Variants in CES5A observed in about 807,000 individuals in gnomAD.
CES5A encodes the protein carboxylesterase 5.
In CES5A, 67 loss-of-function variants were observed where a neutral mutation model predicts 62.9. The ratio of observed to expected loss-of-function variants is 1.07; its 90% CI spans 0.88 to 1.31. CES5A has a LOEUF of 1.31. CES5A is among the 50% of genes most tolerant of loss of function. CES5A has a pLI of 0.00. For synonymous variants in CES5A, 296 were observed against 280.8 expected (o/e 1.05, Z -0.54); for missense variants, 748 against 708.5 (o/e 1.06, Z -0.63).
At position 55,846,598 on chromosome 16, in the gene CES5A, G is replaced by A. The variant is rs16955807; in HGVS notation, c.1581C>T (p.Leu527=). 6.7e-3 allele frequency: 10,874 copies of A among 1,614,106 alleles called. 199 individuals are homozygous for A. The highest frequency in any genetic ancestry group is 0.05 in the East Asian group (2,243 of 44,864). Residue 527 remains leucine (L), a synonymous_variant, in exon 13 of 13, where the codon CTC becomes CTT. Transcript: ENST00000290567. ...QYLQLDLNMS[L]GQRLKEPRVD... ...CCCGCGGTTCTTTGAGTCTCTGTCC[G>A]AGGCTCATGTTCAAGTCCAGCTGGA...
upstream of CES5A, among the ~76,000 whole-genome samples, chr16:55,876,098 G>A (rs893088295): frequency 2.0e-5 from 3 of 152,244 alleles, no homozygotes; most frequent in Middle Eastern, 3.4e-3. Flanking sequence ...TTGTAGCCAT[G>A]ACTGTCTTCC....
At chr16:55,919,262 T>C (rs1368504068) in intron 1 of CES5A, among the ~76,000 whole-genome samples, 1 of 152,250 alleles carries the variant, frequency 6.6e-6, no homozygotes, top group African/African-American at 2.4e-5. Flanking sequence ...GAAACTCTTC[T>C]GAGCTTTGTG....
intron 1 of CES5A, among the ~76,000 whole-genome samples, chr16:55,909,570 G>GCACATACACACA (rs2034071658): frequency 1.3e-5 from 2 of 150,046 alleles, no homozygotes; most frequent in South Asian, 4.3e-4. Context: ...GTGCGCACGT[G>GCACATACACACA]CACACACACA....
chr16:55,899,312 T>C (rs1247382044), intron 1 of CES5A, among the ~76,000 whole-genome samples: 2 of 152,158 alleles, frequency 1.3e-5, no homozygotes, highest in Admixed American at 6.5e-5. Context: ...ATGGGAGGCT[T>C]CCTGGATAAG....
At chr16:55,879,559 T>C (rs1784279445), upstream of CES5A, among the ~76,000 whole-genome samples, 1 of 152,142 alleles carries the variant, frequency 6.6e-6, no homozygotes, top group Non-Finnish European at 1.5e-5. Context: ...CATCACTATA[T>C]CCAGTGTTTA....
At chr16:55,893,025 T>G (rs1277885649) in intron 1 of CES5A, among the ~76,000 whole-genome samples, 5 of 152,106 alleles carry the variant, frequency 3.3e-5, no homozygotes, top group Non-Finnish European at 5.9e-5. Flanking sequence ...TCCGGAAAAA[T>G]GCCAAATACA....
chr16:55,899,778 C>T (rs1198833692), intron 1 of CES5A, among the ~76,000 whole-genome samples: 1 of 152,208 alleles, frequency 6.6e-6, no homozygotes, highest in Non-Finnish European at 1.5e-5. Context: ...AAACATCCCA[C>T]AGGGCAGCCT....
chr16:55,909,179 C>T (rs762559045), intron 1 of CES5A, among the ~76,000 whole-genome samples: 1 of 152,190 alleles, frequency 6.6e-6, no homozygotes, highest in Non-Finnish European at 1.5e-5. Flanking sequence ...TCCACTTTCC[C>T]TCCAGAGCTG....
At position 55,852,769 on chromosome 16, in the gene CES5A, T is replaced by C. The variant is rs150363165; in HGVS notation, c.1273+112A>G. ...ATCCAGGCACACCTGGAAATGCACT[T>C]TCCATGATAGAACAGAGGCAGAGAA... On this transcript the variant is annotated intron_variant, in intron 10 of 12. Transcript: ENST00000290567. 2.0e-3 allele frequency: 2,553 copies of C among 1,251,076 alleles called. 40 individuals are homozygous for C. In the South Asian group the frequency reaches 0.025, roughly 12 times the overall value. The allele number at this position is 1,251,076 out of a possible 1,614,324, so 77.5% of individuals were successfully genotyped here.
At chr16:55,882,274 G>A (rs2033769917) in intron 1 of CES5A, among the ~76,000 whole-genome samples, 1 of 152,136 alleles carries the variant, frequency 6.6e-6, no homozygotes, top group East Asian at 1.9e-4. Context: ...ATCTCCTAAT[G>A]GAAAGTTCTG....
chr16:55,861,341 A>G, intron 7 of CES5A, 71 bp downstream of exon 7: 1 of 780,542 alleles, frequency 1.3e-6, no homozygotes, highest in South Asian at 1.5e-5. Flanking sequence ...TAAATAACAG[A>G]GGGGTAGGAT....
At chr16:55,872,870 C>G (rs28623213) in intron 2 of CES5A, among the ~76,000 whole-genome samples, 13,096 of 152,230 alleles carry the variant, frequency 0.086, 624 homozygotes, top group African/African-American at 0.13. Flanking sequence ...TCACCCCTCT[C>G]CATGCTCCAT....
chr16:55,929,503 C>T (rs1302016072), upstream of CES5A, among the ~76,000 whole-genome samples: 1 of 152,180 alleles, frequency 6.6e-6, no homozygotes, highest in Non-Finnish European at 1.5e-5. Context: ...CCCCTCTGCG[C>T]CTCCACATCC....
At chr16:55,954,643 C>T (rs2034590195) in intron 1 of CES5A, among the ~76,000 whole-genome samples, 1 of 152,144 alleles carries the variant, frequency 6.6e-6, no homozygotes, top group South Asian at 2.1e-4. Flanking sequence ...CTCTCCTCAG[C>T]TTGGTGCGGG....
At chr16:55,852,362 T>C (rs1251413497) in intron 10 of CES5A, among the ~76,000 whole-genome samples, 1 of 152,260 alleles carries the variant, frequency 6.6e-6, no homozygotes, top group Non-Finnish European at 1.5e-5. Flanking sequence ...TCCATCCTTT[T>C]ACATTCATTG....
In CES5A at chr16:55,846,577, C is replaced by T; in HGVS notation, c.1602G>A (p.Pro534=). The change falls in exon 13 of 13, where the codon CCG becomes CCA. Residue 534 remains proline, a synonymous_variant. Transcript: ENST00000290567. ...NMSLGQRLKE[P]RVDFWTSTIP... ...TGGTGCTGGTCCAAAAATCCACCCGCGGTTCTTTGAGTCTCTGTCCGAGGC... is the reference window on the plus strand; with the variant it reads ...TGGTGCTGGTCCAAAAATCCACCCGTGGTTCTTTGAGTCTCTGTCCGAGGC... 3 of 1,614,108 alleles carry T rather than the reference C, an allele frequency of 1.9e-6. No homozygotes were observed. The highest frequency in any genetic ancestry group is 1.1e-5 in the South Asian group (1 of 91,076).
At chr16:55,866,997 G>C (rs2033479395) in intron 4 of CES5A, among the ~76,000 whole-genome samples, 2 of 151,970 alleles carry the variant, frequency 1.3e-5, no homozygotes, top group South Asian at 4.2e-4. Flanking sequence ...TGCTTTTTTG[G>C]GTCTTCTCCA....
At chr16:55,908,400 C>T (rs1597145098) in intron 1 of CES5A, among the ~76,000 whole-genome samples, 1 of 152,054 alleles carries the variant, frequency 6.6e-6, no homozygotes, top group East Asian at 1.9e-4. Flanking sequence ...GCTCTTGTTG[C>T]CCAGGCTGGA....
chr16:55,852,739 T>A, intron 10 of CES5A, 142 bp downstream of exon 10: 1 of 864,290 alleles, frequency 1.2e-6, no homozygotes, highest in Admixed American at 2.6e-5. Context: ...CCATGGCATG[T>A]TTCCATCCAG....
Sources: allele counts gnomAD v4.1 joint callset (sites outside exome capture counted in the v4.1 genomes callset), GRCh38; gene constraint gnomAD v4.1.1; transcripts MANE v1.5; gene names NCBI Gene and HGNC (gene_info 2026-07-23, HGNC 2026-07-21).